TXNDC16: variants seen among roughly 807,000 people sequenced by gnomAD.
TXNDC16 encodes the protein thioredoxin domain-containing protein 16.
TXNDC16 carries 74 observed loss-of-function variants against 85.6 expected under a neutral mutation model. That is an observed-to-expected ratio of 0.86 (90% confidence interval 0.72 to 1.05). TXNDC16 has a LOEUF of 1.05. TXNDC16 is among the 50% of genes least tolerant of loss of function. The pLI, the probability that TXNDC16 is intolerant of heterozygous loss-of-function variation, is 0.00. For synonymous variants in TXNDC16, 335 were observed against 326.5 expected, an observed-to-expected ratio of 1.03 and a Z score of -0.28; for missense variants, 959 against 947.0, an observed-to-expected ratio of 1.01 and a Z score of -0.17.
At chr14:52,530,247 A>ATATTATTATATAATAAT (rs1491407146) in intron 6 of TXNDC16, among the ~76,000 whole-genome samples, 34 of 45,958 alleles carry the variant, frequency 7.4e-4, no homozygotes, top group African/African-American at 4.7e-3. Context: ...AATAATATAT[A>ATATTATTATATAATAAT]ATATATATTA....
At chr14:52,538,274 A>C (rs1346656073) in intron 4 of TXNDC16, among the ~76,000 whole-genome samples, 1 of 152,224 alleles carries the variant, frequency 6.6e-6, no homozygotes, top group Non-Finnish European at 1.5e-5. Context: ...TACCAACAGC[A>C]ATCACGGACC....
rs1239228417 is a variant in TXNDC16, at chr14:52,431,382, A to T, written c.*922T>A. The T allele has an allele frequency of 2.0e-5, 3 of 152,238 alleles. No homozygotes were observed. The highest frequency in any genetic ancestry group is 4.4e-5 in the Non-Finnish European group (3 of 68,038). 9.4% of individuals were successfully genotyped at this position (152,238 alleles called of 1,614,324 possible). On this transcript the variant is annotated 3_prime_UTR_variant, in exon 21 of 21. Coordinates refer to ENST00000281741, the MANE Select transcript of TXNDC16 (RefSeq NM_020784.3). ...AAGACTCACTTAAAATATAAATATC[A>T]TTCTGAGTCCTCTTCTAGGGTTATC...
intron 4 of TXNDC16, among the ~76,000 whole-genome samples, chr14:52,539,004 C>T (rs1254047962): frequency 6.6e-6 from 1 of 152,144 alleles, no homozygotes; most frequent in Non-Finnish European, 1.5e-5. Flanking sequence ...GGTATTATGA[C>T]AATAGATGTG....
intron 4 of TXNDC16, among the ~76,000 whole-genome samples, chr14:52,540,221 T>C (rs183731337): frequency 2.9e-4 from 44 of 152,370 alleles, no homozygotes; most frequent in African/African-American, 9.6e-4. Flanking sequence ...TTCTTCATCC[T>C]GCCTCTTGCT....
chr14:52,482,112 G>A (rs1022204666), intron 14 of TXNDC16, 118 bp downstream of exon 14: 12 of 876,888 alleles, frequency 1.4e-5, no homozygotes, highest in Non-Finnish European at 1.9e-5. Flanking sequence ...TAACCCTGGA[G>A]ACACAAACAT....
chr14:52,495,372 A>G (rs1332341112), intron 9 of TXNDC16, among the ~76,000 whole-genome samples: 4 of 152,176 alleles, frequency 2.6e-5, no homozygotes, highest in African/African-American at 9.7e-5. Flanking sequence ...TTCAAGAATG[A>G]GCAAATAAAG....
At chr14:52,454,112 T>G (rs1453300194) in intron 18 of TXNDC16, among the ~76,000 whole-genome samples, 1 of 152,200 alleles carries the variant, frequency 6.6e-6, no homozygotes, top group Non-Finnish European at 1.5e-5. Context: ...GTGACTACTA[T>G]GCATTGCATG....
intron 9 of TXNDC16, among the ~76,000 whole-genome samples, chr14:52,498,960 G>T (rs1467458073): frequency 6.6e-6 from 1 of 152,058 alleles, no homozygotes; most frequent in Non-Finnish European, 1.5e-5. Context: ...CCTAGTACTG[G>T]CATAAAAACA....
At chr14:52,527,894 AC>A (rs201273054) in intron 6 of TXNDC16, among the ~76,000 whole-genome samples, 16,672 of 145,484 alleles carry the variant, frequency 0.11, 1,200 homozygotes, top group East Asian at 0.37. Flanking sequence ...GATTTATTTC[AC>A]TTACTACATC....
In TXNDC16 at chr14:52,488,402, GT is replaced by G; in HGVS notation, c.1068del (p.Gln357LysfsTer13). 1 of 1,613,346 alleles carries G rather than the reference GT, an allele frequency of 6.2e-7. No homozygotes were observed. The highest frequency in any genetic ancestry group is 8.5e-7 in the Non-Finnish European group (1 of 1,179,624). ...HVENNMHIEEIQEDEDNDMEG... is the reference protein window; with the variant it reads ...HVENNMHIEEXQEDEDNDMEG... ...TCCATGTCATTGTCTTCATCTTCTT[GT>G]ATTTCCTCAATGTGCATATTATTTT... On this transcript the variant is annotated frameshift_variant, in exon 12 of 21. Transcript: ENST00000281741. LOFTEE classifies it high-confidence loss of function.
intron 6 of TXNDC16, among the ~76,000 whole-genome samples, chr14:52,530,627 A>G (rs12432310): frequency 0.21 from 16,860 of 80,048 alleles, 2,757 homozygotes; most frequent in African/African-American, 0.31. Context: ...GTGTGTGTAT[A>G]TACATATATA....
intron 11 of TXNDC16, among the ~76,000 whole-genome samples, chr14:52,488,805 G>A (rs902026111): frequency 1.5e-5 from 2 of 136,022 alleles, no homozygotes; most frequent in East Asian, 2.2e-4. Flanking sequence ...CCACACTCCA[G>A]CCTGGGCGAC....
chr14:52,454,578 C>T (rs758801675), intron 18 of TXNDC16, among the ~76,000 whole-genome samples: 21 of 136,076 alleles, frequency 1.5e-4, no homozygotes, highest in African/African-American at 5.2e-4. Flanking sequence ...CCGAGGCAGG[C>T]GGATCACTTG....
At chr14:52,509,005 TG>T (rs2036887864) in intron 9 of TXNDC16, among the ~76,000 whole-genome samples, 1 of 152,058 alleles carries the variant, frequency 6.6e-6, no homozygotes, top group Non-Finnish European at 1.5e-5. Context: ...TGTATATATA[TG>T]TAACAAACCT....
chr14:52,522,471 A>G (rs1337887338), intron 6 of TXNDC16, among the ~76,000 whole-genome samples: 2 of 152,244 alleles, frequency 1.3e-5, no homozygotes, highest in Non-Finnish European at 2.9e-5. Flanking sequence ...ACTATCTGAC[A>G]AAGAATCACT....
chr14:52,531,635 T>A (rs2037582882), intron 6 of TXNDC16, among the ~76,000 whole-genome samples: 1 of 152,010 alleles, frequency 6.6e-6, no homozygotes, highest in African/African-American at 2.4e-5. Flanking sequence ...AGTAAAAAGA[T>A]CAGTGGTTTG....
intron 18 of TXNDC16, among the ~76,000 whole-genome samples, chr14:52,452,188 C>A (rs1050052830): frequency 6.6e-6 from 1 of 152,034 alleles, no homozygotes; most frequent in Non-Finnish European, 1.5e-5. Context: ...ACTGAACACA[C>A]AAAAATAGAA....
chr14:52,495,486 CA>C (rs1462925972), intron 9 of TXNDC16, among the ~76,000 whole-genome samples: 1 of 152,154 alleles, frequency 6.6e-6, no homozygotes, highest in African/African-American at 2.4e-5. Context: ...AAGACAGTTA[CA>C]AAAGCCCAAC....
chr14:52,530,716 T>C (rs577257176), intron 6 of TXNDC16, among the ~76,000 whole-genome samples: 141 of 142,520 alleles, frequency 9.9e-4, no homozygotes, highest in Middle Eastern at 3.7e-3. Flanking sequence ...TTTTTACATA[T>C]ATAAGAACAC....
Sources: gnomAD v4.1 joint callset for allele counts (sites outside exome capture counted in the v4.1 genomes callset) on GRCh38, gnomAD v4.1.1 for gene constraint, MANE v1.5 for transcripts, NCBI Gene and HGNC (gene_info 2026-07-23, HGNC 2026-07-21) for gene names.